Variants in CBR4 observed in about 807,000 individuals in gnomAD.
The protein encoded by CBR4 is 3-oxoacyl-[acyl-carrier-protein] reductase.
In CBR4, 22 loss-of-function variants were observed where a neutral mutation model predicts 21.0. The ratio of observed to expected loss-of-function variants is 1.05; its 90% CI spans 0.75 to 1.50. CBR4 has a LOEUF of 1.50. Among genes scored for constraint, CBR4 ranks in the 40% most tolerant of loss-of-function variants. CBR4 has a pLI of 0.00. For missense variants in CBR4, 302 were observed against 286.3 expected (o/e 1.05, Z -0.40); for synonymous variants, 100 against 104.4 (o/e 0.96, Z 0.26).
chr4:168,898,809 T>C, intron 2 of CBR4: 2 of 825,156 alleles, frequency 2.4e-6, no homozygotes. Context: ...GAGATACAAA[T>C]GATCTTTCTC....
At chr4:168,954,134 T>C (rs915325980) in intron 2 of CBR4, among the ~76,000 whole-genome samples, 3 of 152,128 alleles carry the variant, frequency 2.0e-5, no homozygotes, top group Admixed American at 6.5e-5. Context: ...TAAAATGTTA[T>C]AACAATGAAA....
intron 2 of CBR4, among the ~76,000 whole-genome samples, chr4:168,954,898 G>A (rs1488815335): frequency 1.3e-5 from 2 of 152,150 alleles, no homozygotes; most frequent in Non-Finnish European, 2.9e-5. Flanking sequence ...ATAAGAAAAT[G>A]ATAAATTACT....
chr4:169,008,176 C>T (rs1431451941), intron 1 of CBR4, among the ~76,000 whole-genome samples: 1 of 152,000 alleles, frequency 6.6e-6, no homozygotes, highest in Non-Finnish European at 1.5e-5. Context: ...TGGCCCTGAA[C>T]GGGAACTCTT....
At chr4:168,936,502 G>A (rs1763116278) in intron 2 of CBR4, among the ~76,000 whole-genome samples, 1 of 152,052 alleles carries the variant, frequency 6.6e-6, no homozygotes. Flanking sequence ...GAAGGAGCAC[G>A]TTCTAACCCA....
intron 2 of CBR4, among the ~76,000 whole-genome samples, chr4:168,940,129 A>C (rs971943169): frequency 6.6e-6 from 1 of 152,250 alleles, no homozygotes; most frequent in African/African-American, 2.4e-5. Flanking sequence ...CCTCAGAAAT[A>C]ACACCACATA....
chr4:168,911,955 T>A (rs959749563), intron 2 of CBR4, among the ~76,000 whole-genome samples: 2 of 152,196 alleles, frequency 1.3e-5, no homozygotes, highest in African/African-American at 4.8e-5. Context: ...TTCCTCATTC[T>A]TCTCCTGTCT....
intron 2 of CBR4, among the ~76,000 whole-genome samples, chr4:168,946,652 T>C (rs922014153): frequency 4.6e-5 from 7 of 152,240 alleles, no homozygotes; most frequent in Non-Finnish European, 1.0e-4. Flanking sequence ...TATGTTAGCA[T>C]GTAACGGGTT....
intron 1 of CBR4, 114 bp downstream of exon 1, chr4:169,009,834 A>T: frequency 1.0e-6 from 1 of 970,712 alleles, no homozygotes; most frequent in Non-Finnish European, 1.5e-6. Context: ...GCACGCGGCT[A>T]CATCGAGTAA....
At chr4:168,944,500 A>T (rs573806021) in intron 2 of CBR4, among the ~76,000 whole-genome samples, 81 of 151,788 alleles carry the variant, frequency 5.3e-4, no homozygotes, top group Middle Eastern at 3.4e-3. Context: ...AAGAAAATTT[A>T]AAAAAAAGAG....
intron 2 of CBR4, among the ~76,000 whole-genome samples, chr4:168,938,644 C>T (rs974718588): frequency 7.2e-5 from 11 of 152,156 alleles, no homozygotes; most frequent in African/African-American, 2.7e-4. Context: ...ACCAATCCCA[C>T]AGAAATACAA....
chr4:168,956,941 T>C (rs1327731757), intron 2 of CBR4, among the ~76,000 whole-genome samples: 1 of 152,160 alleles, frequency 6.6e-6, no homozygotes, highest in Non-Finnish European at 1.5e-5. Context: ...AATCACCTTA[T>C]AGTAGATGAG....
At chr4:168,986,463 A>T (rs1455030564), downstream of CBR4, among the ~76,000 whole-genome samples, 1 of 152,138 alleles carries the variant, frequency 6.6e-6, no homozygotes, top group Non-Finnish European at 1.5e-5. Context: ...TTTGGTTGCA[A>T]TTTTATATGT....
chr4:168,983,048 G>A (rs4692680), downstream of CBR4, among the ~76,000 whole-genome samples: 106,175 of 151,954 alleles, frequency 0.7, 38,531 homozygotes, highest in East Asian at 0.96. Flanking sequence ...CAAAGCTAGC[G>A]GAAGAACAGA....
intron 2 of CBR4, among the ~76,000 whole-genome samples, chr4:168,970,354 G>T: frequency 6.6e-6 from 1 of 151,988 alleles, no homozygotes; most frequent in Non-Finnish European, 1.5e-5. Context: ...TGATATTTAA[G>T]TACTTTTTTC....
chr4:168,981,974 C>T (rs1052397321), intron 2 of CBR4, among the ~76,000 whole-genome samples: 21 of 152,172 alleles, frequency 1.4e-4, no homozygotes, highest in African/African-American at 5.1e-4. Context: ...CAAGTACACA[C>T]TCTATTAACA....
intron 4 of CBR4, among the ~76,000 whole-genome samples, chr4:168,994,406 G>T (rs1397131441): frequency 6.6e-6 from 1 of 152,156 alleles, no homozygotes; most frequent in African/African-American, 2.4e-5. Context: ...AACAGGTCAC[G>T]GTGCTGCAGG....
chr4:168,905,790 CTTTTTTT>C (rs59427697), intron 2 of CBR4, among the ~76,000 whole-genome samples: 4 of 113,096 alleles, frequency 3.5e-5, no homozygotes, highest in Non-Finnish European at 5.2e-5. Flanking sequence ...GCTTTTTTTT[CTTTTTTT>C]TTTTTTTTTT....
rs200341238 is a variant in CBR4, at chr4:169,007,724, T to C, written c.175A>G (p.Lys59Glu). The C allele has an allele frequency of 1.1e-4, 174 of 1,590,232 alleles. No individual in the cohort carries two copies. Among genetic ancestry groups the C allele is most frequent in the Non-Finnish European group, 1.3e-4 (158 of 1,170,786 alleles). Reference protein sequence around the residue: ...DHLAFSCDVAKEHDVQNTFEE... With the variant: ...DHLAFSCDVAEEHDVQNTFEE... ...AATGTATTTTGAACATCATGTTCTT[T>C]AGCAACATCACAGCTAAATGCCAAA... Residue 59 changes from lysine to glutamate, a missense_variant, in exon 2 of 5, where the codon AAA (lysine) becomes GAA (glutamate). Coordinates refer to ENST00000306193, the MANE Select transcript of CBR4 (RefSeq NM_032783.5).
chr4:168,937,196 A>G (rs1204486508), intron 2 of CBR4, among the ~76,000 whole-genome samples: 2 of 152,174 alleles, frequency 1.3e-5, no homozygotes, highest in Non-Finnish European at 2.9e-5. Context: ...CCAGAATTTC[A>G]TATCCAACCA....
Sources: allele counts gnomAD v4.1 joint callset (sites outside exome capture counted in the v4.1 genomes callset), GRCh38; gene constraint gnomAD v4.1.1; transcripts MANE v1.5; gene names NCBI Gene and HGNC (gene_info 2026-07-23, HGNC 2026-07-21).